NAALADL2: variants seen among roughly 807,000 people sequenced by gnomAD.
The protein encoded by NAALADL2 is inactive N-acetylated-alpha-linked acidic dipeptidase-like protein 2.
In NAALADL2, 76 loss-of-function variants were observed where a neutral mutation model predicts 87.2. The observed-to-expected ratio is 0.87, with a 90% confidence interval of 0.72 to 1.05. The LOEUF is 1.05. Among genes scored for constraint, NAALADL2 ranks in the 50% least tolerant of loss-of-function variants. The pLI is 0.00. For synonymous variants in NAALADL2, 354 were observed against 331.0 expected, an observed-to-expected ratio of 1.07 and a Z score of -0.75; for missense variants, 1,089 against 945.8, an observed-to-expected ratio of 1.15 and a Z score of -1.99.
At chr3:175,636,710 A>AAG (rs1057203893) in intron 11 of NAALADL2, among the ~76,000 whole-genome samples, 1 of 150,536 alleles carries the variant, frequency 6.6e-6, no homozygotes, top group Non-Finnish European at 1.5e-5. Context: ...AAAAAAAAAA[A>AAG]AAAAGAAAAA....
intron 11 of NAALADL2, among the ~76,000 whole-genome samples, chr3:175,667,087 CAAGA>C (rs1236425781): frequency 4.6e-5 from 6 of 131,396 alleles, no homozygotes; most frequent in South Asian, 4.8e-4. Context: ...TCTGTGCTGG[CAAGA>C]AAGAAAGGAA....
chr3:175,700,554 C>T (rs1232409595), intron 11 of NAALADL2, among the ~76,000 whole-genome samples: 1 of 151,990 alleles, frequency 6.6e-6, no homozygotes, highest in East Asian at 1.9e-4. Flanking sequence ...ATGTGATTTG[C>T]AATATATATG....
At chr3:175,000,177 A>G (rs1348102494) in intron 1 of NAALADL2, among the ~76,000 whole-genome samples, 5 of 152,150 alleles carry the variant, frequency 3.3e-5, no homozygotes, top group African/African-American at 9.7e-5. Flanking sequence ...CTGGAGACAA[A>G]AAGAGAAATA....
intron 2 of NAALADL2, among the ~76,000 whole-genome samples, chr3:174,577,282 T>C (rs778556577): frequency 1.3e-5 from 2 of 152,200 alleles, no homozygotes; most frequent in Admixed American, 6.5e-5. Context: ...TTTAGAGGGA[T>C]ATTTGAGAAA....
At position 174,995,729 on chromosome 3, in the gene NAALADL2, A is replaced by C. The variant is rs1189255842; in HGVS notation, c.44-101061A>C. ...TTCATCAAGGTTGGATATCAATTGG[A>C]ATTTCTTAAATCTATGCCTTAAACC... On this transcript the variant is annotated intron_variant, in intron 1 of 13. Coordinates refer to ENST00000454872, the MANE Select transcript of NAALADL2 (RefSeq NM_207015.3). Among the ~76,000 whole-genome samples, 7 of 152,172 alleles carry C rather than the reference A, an allele frequency of 4.6e-5. No individual in the cohort carries two copies. The East Asian group carries it at 1.2e-3, about 25-fold the overall frequency.
intron 1 of NAALADL2, among the ~76,000 whole-genome samples, chr3:175,055,074 T>C (rs142130552): frequency 3.9e-5 from 6 of 152,236 alleles, no homozygotes; most frequent in African/African-American, 1.4e-4. Flanking sequence ...AATGTCCTCC[T>C]GTATCTACCA....
At chr3:175,495,961 G>A (rs775929831) in intron 9 of NAALADL2, among the ~76,000 whole-genome samples, 1 of 151,708 alleles carries the variant, frequency 6.6e-6, no homozygotes, top group African/African-American at 2.4e-5. Flanking sequence ...TTTATGACTC[G>A]ACAACTTCTT....
chr3:174,905,259 T>G (rs1638657714), intron 1 of NAALADL2, among the ~76,000 whole-genome samples: 1 of 151,920 alleles, frequency 6.6e-6, no homozygotes, highest in African/African-American at 2.4e-5. Context: ...TCATTTAACT[T>G]AGTATTTAAA....
intron 1 of NAALADL2, among the ~76,000 whole-genome samples, chr3:175,066,910 A>G (rs1362630979): frequency 6.6e-6 from 1 of 152,164 alleles, no homozygotes; most frequent in Non-Finnish European, 1.5e-5. Context: ...TCAATAAATT[A>G]AAAGGAAATT....
At chr3:174,542,966 A>G (rs1722376546) in intron 1 of NAALADL2, among the ~76,000 whole-genome samples, 1 of 152,182 alleles carries the variant, frequency 6.6e-6, no homozygotes, top group African/African-American at 2.4e-5. Flanking sequence ...CTGGACTATG[A>G]CAGATGGGGA....
At chr3:174,815,872 A>G (rs993634929) in intron 3 of NAALADL2, among the ~76,000 whole-genome samples, 10 of 124,760 alleles carry the variant, frequency 8.0e-5, no homozygotes, top group Middle Eastern at 5.6e-3. Flanking sequence ...TTCCTTTGGT[A>G]GAAGTGTCAG....
At chr3:175,705,121 A>G (rs898159446) in intron 11 of NAALADL2, among the ~76,000 whole-genome samples, 6 of 152,158 alleles carry the variant, frequency 3.9e-5, no homozygotes, top group African/African-American at 1.2e-4. Context: ...GGAGAGAGGA[A>G]GAGTAGGAGA....
At chr3:174,901,974 A>C (rs973627851) in intron 1 of NAALADL2, among the ~76,000 whole-genome samples, 2 of 152,166 alleles carry the variant, frequency 1.3e-5, no homozygotes, top group Non-Finnish European at 2.9e-5. Context: ...CTATCTGAGA[A>C]GAGAATGATG....
chr3:174,782,724 C>T (rs1411817613), intron 3 of NAALADL2, among the ~76,000 whole-genome samples: 1 of 151,930 alleles, frequency 6.6e-6, no homozygotes, highest in Non-Finnish European at 1.5e-5. Context: ...AAAACAGGTC[C>T]TTCTTCACAT....
intron 3 of NAALADL2, among the ~76,000 whole-genome samples, chr3:174,838,037 G>GAAAAAAAAAAAAAAAAA (rs1158682043): frequency 8.5e-6 from 1 of 117,342 alleles, no homozygotes; most frequent in Admixed American, 8.7e-5. Flanking sequence ...AAAAAAAAAA[G>GAAAAAAAAAAAAAAAAA]AAAAAAAAAA....
intron 1 of NAALADL2, among the ~76,000 whole-genome samples, chr3:174,983,156 A>T (rs191262483): frequency 2.0e-4 from 31 of 152,324 alleles, no homozygotes; most frequent in African/African-American, 6.5e-4. Context: ...ACACAGGGTC[A>T]CATATGAAAT....
chr3:174,966,461 T>C (rs2108585492), intron 1 of NAALADL2, among the ~76,000 whole-genome samples: 1 of 152,242 alleles, frequency 6.6e-6, no homozygotes. Flanking sequence ...AATGTGTTAG[T>C]GGTCCCAAAG....
At chr3:174,632,502 TG>T (rs1353030485) in intron 2 of NAALADL2, among the ~76,000 whole-genome samples, 1 of 152,148 alleles carries the variant, frequency 6.6e-6, no homozygotes, top group African/African-American at 2.4e-5. Context: ...AATGCTGGAA[TG>T]GGGCTTGTAA....
At chr3:175,728,216 A>G (rs926360633) in intron 11 of NAALADL2, among the ~76,000 whole-genome samples, 2 of 152,190 alleles carry the variant, frequency 1.3e-5, no homozygotes, top group East Asian at 1.9e-4. Flanking sequence ...CCAAACAAGT[A>G]ACTGCACAGC....
Sources: gnomAD v4.1 joint callset for allele counts (sites outside exome capture counted in the v4.1 genomes callset) on GRCh38, gnomAD v4.1.1 for gene constraint, MANE v1.5 for transcripts, NCBI Gene and HGNC (gene_info 2026-07-23, HGNC 2026-07-21) for gene names.